The following ANKRD28 variants were observed in gnomAD, a reference collection of about 807,000 sequenced individuals.
ANKRD28 encodes the protein serine/threonine-protein phosphatase 6 regulatory ankyrin repeat subunit A.
A neutral mutation model predicts 126.5 loss-of-function variants in ANKRD28; 44 were observed. That is an observed-to-expected ratio of 0.35 (90% CI 0.27 to 0.45). The LOEUF is 0.45. ANKRD28 is among the 20% of genes least tolerant of loss of function. The pLI, the probability that ANKRD28 is intolerant of heterozygous loss-of-function variation, is 1.00. For synonymous variants in ANKRD28, 442 were observed against 468.5 expected (o/e 0.94, Z 0.73); for missense variants, 1,110 against 1,316.6 (o/e 0.84, Z 2.43).
intron 1 of ANKRD28, among the ~76,000 whole-genome samples, chr3:15,850,204 AATATAT>A (rs1226795631): frequency 3.6e-5 from 2 of 54,832 alleles, no homozygotes; most frequent in Admixed American, 2.4e-4. Context: ...AAAAAAAAAA[AATATAT>A]ATATATATAT....
chr3:15,813,089 T>C (rs987048283), intron 1 of ANKRD28, among the ~76,000 whole-genome samples: 2 of 148,872 alleles, frequency 1.3e-5, no homozygotes, highest in African/African-American at 2.5e-5. Context: ...AAAAGTTTAA[T>C]ACAATGGCTC....
rs1194508998 is a variant in ANKRD28, at chr3:15,741,882, G to A, written c.352-4649C>T. Among the ~76,000 whole-genome samples, 6 of 151,882 alleles carry A rather than the reference G, an allele frequency of 4.0e-5. No individual in the cohort carries two copies. In the East Asian group the frequency reaches 5.8e-4, roughly 15 times the overall value. On this transcript the variant is annotated intron_variant, in intron 4 of 27. Coordinates refer to ENST00000683139, the MANE Select transcript of ANKRD28 (RefSeq NM_001349278.2). ...CTGCCGAGTGCCTGCGATTGCAGGCGCGCGCCACCACGCCTGACTGGTTTT... is the reference window on the plus strand; with the variant it reads ...CTGCCGAGTGCCTGCGATTGCAGGCACGCGCCACCACGCCTGACTGGTTTT...
upstream of ANKRD28, among the ~76,000 whole-genome samples, chr3:15,798,542 T>C (rs1256654936): frequency 6.6e-6 from 1 of 152,074 alleles, no homozygotes; most frequent in Admixed American, 6.6e-5. Context: ...ATCCTAACTC[T>C]AAAATTATAT....
At chr3:15,687,281 A>G (rs1169815459) in intron 18 of ANKRD28, among the ~76,000 whole-genome samples, 1 of 152,026 alleles carries the variant, frequency 6.6e-6, no homozygotes, top group Admixed American at 6.6e-5. Flanking sequence ...AAACCCCTTA[A>G]GCTATTTTCA....
At chr3:15,768,973 T>C (rs1229374180) in intron 2 of ANKRD28, among the ~76,000 whole-genome samples, 3 of 152,192 alleles carry the variant, frequency 2.0e-5, no homozygotes, top group African/African-American at 7.2e-5. Context: ...ACAGAATACA[T>C]GCAAAGATGT....
intron 2 of ANKRD28, among the ~76,000 whole-genome samples, chr3:15,773,538 T>C (rs1302094966): frequency 2.0e-5 from 3 of 152,068 alleles, no homozygotes; most frequent in Non-Finnish European, 4.4e-5. Flanking sequence ...GGCAGGAGAA[T>C]TGCTTGAACC....
In ANKRD28 at chr3:15,851,395, T is replaced by A. The variant is rs373711986; in HGVS notation, c.27+7982A>T. On this transcript the variant is annotated intron_variant, in intron 1 of 27. Coordinates refer to the ANKRD28 transcript ENST00000399451. ...CATCTCTGCCAAAAATAAAAAAAAA[T>A]TAGCTGTGAATAGTGGCATGTACCT... 2.9e-3 allele frequency among the ~76,000 whole-genome samples: 435 copies of A among 151,736 alleles called. 1 individual carries two copies. The highest frequency in any genetic ancestry group is 9.9e-3 in the African/African-American group (408 of 41,368).
At chr3:15,720,025 A>G (rs2073528979) in intron 8 of ANKRD28, among the ~76,000 whole-genome samples, 1 of 152,042 alleles carries the variant, frequency 6.6e-6, no homozygotes. Context: ...ATGAGCCACC[A>G]TGCCAAGCTC....
chr3:15,799,549 C>G (rs1237525239), upstream of ANKRD28, among the ~76,000 whole-genome samples: 1 of 151,996 alleles, frequency 6.6e-6, no homozygotes, highest in Non-Finnish European at 1.5e-5. Context: ...ATTATGTTAT[C>G]CATCTCCACA....
intron 2 of ANKRD28, among the ~76,000 whole-genome samples, chr3:15,791,365 T>A (rs2060015773): frequency 7.0e-6 from 1 of 141,932 alleles, no homozygotes; most frequent in African/African-American, 2.5e-5. Flanking sequence ...CTTCAAATTA[T>A]GCTACAGACC....
chr3:15,825,541 T>C (rs769239349), intron 1 of ANKRD28, among the ~76,000 whole-genome samples: 18 of 151,774 alleles, frequency 1.2e-4, no homozygotes, highest in Non-Finnish European at 2.2e-4. Context: ...GGAAAAAAAA[T>C]TTGCAAATTT....
intron 3 of ANKRD28, chr3:15,756,559 A>G (rs1327309907): frequency 2.1e-6 from 2 of 968,484 alleles, no homozygotes; most frequent in Non-Finnish European, 2.5e-6. Flanking sequence ...GTCATGGGTT[A>G]GTGGAAGGAA....
At chr3:15,729,942 G>A (rs2074461298) in intron 6 of ANKRD28, among the ~76,000 whole-genome samples, 1 of 152,166 alleles carries the variant, frequency 6.6e-6, no homozygotes, top group Non-Finnish European at 1.5e-5. Flanking sequence ...TGGCTGGAAT[G>A]CAGTGGTGCG....
chr3:15,711,987 C>T (rs948350871), intron 11 of ANKRD28, among the ~76,000 whole-genome samples, 153 bp downstream of exon 11: 7 of 151,982 alleles, frequency 4.6e-5, no homozygotes, highest in South Asian at 2.1e-4. Flanking sequence ...TGAGCCACCA[C>T]GCCAGACCTG....
At chr3:15,766,127 C>A in intron 3 of ANKRD28, 107 bp downstream of exon 3, 1 of 792,664 alleles carries the variant, frequency 1.3e-6, no homozygotes, top group Non-Finnish European at 2.0e-6. Context: ...GCTGATAAAA[C>A]AAATATGAAC....
chr3:15,691,778 T>G (rs902591927), intron 17 of ANKRD28, among the ~76,000 whole-genome samples: 1 of 152,204 alleles, frequency 6.6e-6, no homozygotes, highest in African/African-American at 2.4e-5. Flanking sequence ...ATGAAAATTA[T>G]GCTACTGAAA....
intron 1 of ANKRD28, among the ~76,000 whole-genome samples, chr3:15,808,987 A>AC (rs1055155963): frequency 9.2e-5 from 13 of 140,942 alleles, no homozygotes; most frequent in Non-Finnish European, 1.4e-4. Context: ...TTCTACACAC[A>AC]CCCCCCTTTT....
chr3:15,851,877 G>A (rs2061659320), intron 1 of ANKRD28, among the ~76,000 whole-genome samples: 1 of 152,152 alleles, frequency 6.6e-6, no homozygotes, highest in Non-Finnish European at 1.5e-5. Context: ...AAACACAAAT[G>A]TCCATGAACT....
At chr3:15,672,209 G>A (rs1396434741) in intron 27 of ANKRD28, among the ~76,000 whole-genome samples, 1 of 148,496 alleles carries the variant, frequency 6.7e-6, no homozygotes, top group Non-Finnish European at 1.5e-5. Flanking sequence ...GCAGTATAAT[G>A]ATCATGCTCA....
Sources: allele counts gnomAD v4.1 joint callset (sites outside exome capture counted in the v4.1 genomes callset), GRCh38; gene constraint gnomAD v4.1.1; transcripts MANE v1.5; gene names NCBI Gene and HGNC (gene_info 2026-07-23, HGNC 2026-07-21).